Variants in TTLL11 observed in about 807,000 individuals in gnomAD.
TTLL11 encodes tubulin tyrosine ligase like 11, also known as tubulin polyglutamylase TTLL11.
In TTLL11, 42 loss-of-function variants were observed where a neutral mutation model predicts 51.7. That is an observed-to-expected ratio of 0.81 (90% CI 0.64 to 1.05). The LOEUF (loss-of-function observed/expected upper bound fraction) is 1.05, where lower values mean the gene tolerates loss of function less well. Ranked by LOEUF, TTLL11 falls within the 50% of genes least tolerant of loss-of-function variation. The pLI, the probability that TTLL11 is intolerant of heterozygous loss-of-function variation, is 0.00. For missense variants in TTLL11, 799 were observed against 940.4 expected (o/e 0.85, Z 1.97); for synonymous variants, 381 against 383.5 (o/e 0.99, Z 0.08).
chr9:122,027,072 T>C (rs761882582), intron 3 of TTLL11, among the ~76,000 whole-genome samples: 4 of 152,180 alleles, frequency 2.6e-5, no homozygotes, highest in Non-Finnish European at 5.9e-5. Flanking sequence ...GCTTGGCTTC[T>C]GGGGAGGCTT....
chr9:121,916,937 C>A (rs1840346317), intron 6 of TTLL11, among the ~76,000 whole-genome samples: 1 of 152,150 alleles, frequency 6.6e-6, no homozygotes, highest in African/African-American at 2.4e-5. Context: ...AAGGCCCATC[C>A]AAGACCCCGT....
intron 3 of TTLL11, among the ~76,000 whole-genome samples, chr9:122,020,539 T>C (rs1391812923): frequency 3.9e-5 from 6 of 152,252 alleles, no homozygotes; most frequent in Non-Finnish European, 4.4e-5. Flanking sequence ...TCCTCTCCTA[T>C]GAATAATAGA....
In TTLL11 at chr9:121,850,836, C is replaced by T. The variant is rs141478277; in HGVS notation, c.1840+9501G>A. ...GCACCATACAATCCAACCATCACGT[C>T]CTTGGTAATTGCCCAATCGTGCTAC... On this transcript the variant is annotated intron_variant, in intron 8 of 8. Coordinates refer to ENST00000321582, the MANE Select transcript of TTLL11 (RefSeq NM_001139442.2). 2.1e-3 allele frequency among the ~76,000 whole-genome samples: 314 copies of T among 152,308 alleles called. 3 individuals are homozygous for T. The highest frequency in any genetic ancestry group is 0.014 in the Middle Eastern group (4 of 294).
At chr9:121,888,136 T>C (rs181907451) in intron 6 of TTLL11, among the ~76,000 whole-genome samples, 2 of 152,138 alleles carry the variant, frequency 1.3e-5, no homozygotes, top group Non-Finnish European at 2.9e-5. Flanking sequence ...CAGGATGCCA[T>C]AGGGTTAAGC....
At chr9:122,026,735 T>A (rs1302107635) in intron 3 of TTLL11, among the ~76,000 whole-genome samples, 1 of 151,908 alleles carries the variant, frequency 6.6e-6, no homozygotes, top group Non-Finnish European at 1.5e-5. Context: ...AACTTTATAG[T>A]GGAGAAATCT....
chr9:121,989,747 G>A lies in TTLL11; in HGVS notation c.717C>T (p.Asp239=), dbSNP rs777806826. The A allele has an allele frequency of 6.2e-7, 1 of 1,604,402 alleles. No individual in the cohort carries two copies. Among genetic ancestry groups the A allele is most frequent in the East Asian group, 2.2e-5 (1 of 44,688 alleles). ...CGATAAAAGTGGGCTTCCAGGAGGG[G>A]TCATCGTCTTTCACCATTTGAACCT... The part of the protein sequence containing the change: ...VAQVQMVKDD[D]PSWKPTFIVK... Residue 239 remains aspartate (D), a synonymous_variant, in exon 4 of 9, where the codon GAC becomes GAT. Transcript: ENST00000321582. This position sits in a 1 kb window ranked among gnomAD's most constrained non-coding sequence, Gnocchi z 4.2.
chr9:122,030,712 A>G (rs987317529), intron 3 of TTLL11, among the ~76,000 whole-genome samples: 2 of 150,448 alleles, frequency 1.3e-5, no homozygotes, highest in African/African-American at 4.9e-5. Context: ...ACTTGAGGTC[A>G]GGAGATCGAG....
At chr9:121,934,189 C>T (rs1009060019) in intron 6 of TTLL11, among the ~76,000 whole-genome samples, 1 of 151,938 alleles carries the variant, frequency 6.6e-6, no homozygotes, top group African/African-American at 2.4e-5. Context: ...GCCGAGATTG[C>T]ACCATTGAAC....
intron 6 of TTLL11, among the ~76,000 whole-genome samples, chr9:121,960,610 C>T (rs1042623255): frequency 1.3e-5 from 2 of 152,182 alleles, no homozygotes; most frequent in Non-Finnish European, 2.9e-5. Context: ...GATCCAGCCT[C>T]TAGCACAGAA....
chr9:121,926,564 G>A (rs534140644), intron 6 of TTLL11, among the ~76,000 whole-genome samples: 6 of 152,218 alleles, frequency 3.9e-5, no homozygotes, highest in Non-Finnish European at 5.9e-5. Context: ...TGGCATAGAC[G>A]AGGATCCTGA....
At chr9:121,950,778 G>A (rs1192284256) in intron 6 of TTLL11, among the ~76,000 whole-genome samples, 1 of 152,176 alleles carries the variant, frequency 6.6e-6, no homozygotes, top group African/African-American at 2.4e-5. Context: ...GCTTTGAGGA[G>A]CTTGTCGCCT....
chr9:121,936,584 T>C (rs1382808154), intron 6 of TTLL11, among the ~76,000 whole-genome samples: 1 of 152,170 alleles, frequency 6.6e-6, no homozygotes, highest in Non-Finnish European at 1.5e-5. Context: ...CACTGAATCT[T>C]CTGGGACTTG....
chr9:121,970,112 G>GT (rs1170055468), intron 6 of TTLL11, among the ~76,000 whole-genome samples: 9 of 152,134 alleles, frequency 5.9e-5, no homozygotes, highest in African/African-American at 2.2e-4. Flanking sequence ...AGATGAAAGG[G>GT]TTTTATATTA....
intron 3 of TTLL11, among the ~76,000 whole-genome samples, chr9:121,993,736 G>A (rs1312192230): frequency 6.6e-6 from 1 of 152,196 alleles, no homozygotes. Context: ...AAAATGTTTG[G>A]AGGGAGAAAT....
At chr9:121,833,385 C>T (rs956065250) in intron 8 of TTLL11, among the ~76,000 whole-genome samples, 2 of 152,170 alleles carry the variant, frequency 1.3e-5, no homozygotes, top group Non-Finnish European at 2.9e-5. Context: ...CTCTCCACTC[C>T]CGGGAAGGCA....
At chr9:122,007,886 G>A (rs1364536806) in intron 3 of TTLL11, among the ~76,000 whole-genome samples, 1 of 152,138 alleles carries the variant, frequency 6.6e-6, no homozygotes, top group Non-Finnish European at 1.5e-5. Flanking sequence ...GGGGAAAATA[G>A]CAACTTTTCC....
chr9:122,090,200 A>G (rs923217194), intron 1 of TTLL11, among the ~76,000 whole-genome samples: 1 of 152,008 alleles, frequency 6.6e-6, no homozygotes, highest in Non-Finnish European at 1.5e-5. Context: ...GAAAGACTGG[A>G]AACTGCTGAA....
chr9:121,992,502 G>T (rs1433756286), intron 3 of TTLL11, among the ~76,000 whole-genome samples: 3 of 152,218 alleles, frequency 2.0e-5, no homozygotes, highest in Non-Finnish European at 4.4e-5. Context: ...ATCACCGCAG[G>T]TGATTCTGAT....
At chr9:122,043,859 T>C (rs1483004470) in intron 1 of TTLL11, among the ~76,000 whole-genome samples, 1 of 151,860 alleles carries the variant, frequency 6.6e-6, no homozygotes, top group East Asian at 1.9e-4. Context: ...TCTTTTCTTT[T>C]TTTATTTTAT....
Sources: gnomAD v4.1 joint callset for allele counts (sites outside exome capture counted in the v4.1 genomes callset) on GRCh38, gnomAD v4.1.1 for gene constraint, Gnocchi (gnomAD v3.1) non-coding constraint, MANE v1.5 for transcripts, NCBI Gene and HGNC (gene_info 2026-07-23, HGNC 2026-07-21) for gene names.